NEB: variants seen among roughly 807,000 people sequenced by gnomAD.
NEB encodes nemaline myopathy type 2.
NEB carries 512 observed loss-of-function variants against 952.2 expected under a neutral mutation model. The observed-to-expected ratio is 0.54, with a 90% confidence interval of 0.50 to 0.58. The LOEUF is 0.58. Among genes scored for constraint, NEB ranks in the 20% least tolerant of loss-of-function variants. NEB has a pLI of 0.00. For synonymous variants in NEB, 2,900 were observed against 3,149.8 expected (o/e 0.92, Z 2.66); for missense variants, 8,428 against 9,231.1 (o/e 0.91, Z 3.56).
Position 151,619,728 on chromosome 2 carries a change from C to G in NEB, c.10595G>C (p.Gly3532Ala). Residue 3532 changes from glycine (G) to alanine (A), a missense_variant, in exon 73 of 182, where the codon GGT (glycine) becomes GCT (alanine). Gly to Ala is a moderately conservative substitution (Grantham distance 60). Around this residue, in one of 11 missense-constraint regions of NEB, gnomAD observed 1,772 missense variants for 1,960.3 expected, o/e 0.90. Transcript: ENST00000397345. ...KYKEAYRKQLGHHIGARAVHD... is the reference protein window; with the variant it reads ...KYKEAYRKQLAHHIGARAVHD... ...TACTGCTCGGGCGCCAATGTGGTGA[C>G]CCAACTGTTTACGATATGCTTCTTT... 6.2e-7 allele frequency: 1 copy of G among 1,613,188 alleles called. No homozygotes were observed.
intron 65 of NEB, among the ~76,000 whole-genome samples, chr2:151,632,931 G>C (rs1172262962): frequency 6.6e-6 from 1 of 152,092 alleles, no homozygotes; most frequent in African/African-American, 2.4e-5. Context: ...GCAAAACACA[G>C]GGTTCTGTAT....
rs182325166 is a variant in NEB at position 151,499,372 on chromosome 2, C to T, written c.24040G>A (p.Val8014Ile). 46 of 1,542,804 alleles carry T rather than the reference C, an allele frequency of 3.0e-5. No homozygotes were observed. The East Asian group carries it at 7.4e-4, about 25-fold the overall frequency. Residue 8014 changes from valine (V) to isoleucine (I), a missense_variant, in exon 169 of 182, where the codon GTT becomes ATT. Val to Ile is a conservative substitution (Grantham distance 29, BLOSUM62 3). Transcript: ENST00000397345. ...NFSSVLYKEN[V>I]GKGIPIPITP... ...ATGGGGATTGGAATCCCTTTTCCAA[C>T]GTTTTCTTTATACAACACCTGTATG...
intron 166 of NEB, 28 bp from the exon 167 acceptor site, chr2:151,502,913 G>T: frequency 7.2e-7 from 1 of 1,392,024 alleles, no homozygotes; most frequent in Non-Finnish European, 1.0e-6. Context: ...GTACCCAGAG[G>T]ACATTTAAAA....
chr2:151,494,742 G>A (rs1485245829), intron 173 of NEB, among the ~76,000 whole-genome samples: 4 of 152,088 alleles, frequency 2.6e-5, no homozygotes, highest in South Asian at 2.1e-4. Flanking sequence ...TCCGCCTCCC[G>A]GGTTCAAGTG....
chr2:151,578,396 T>C (rs62174688), intron 105 of NEB, among the ~76,000 whole-genome samples: 14 of 151,296 alleles, frequency 9.3e-5, no homozygotes, highest in East Asian at 3.9e-4. Context: ...TTCTTCTGTT[T>C]AAGAAACTGC....
chr2:151,540,590 G>A (rs1440123162), intron 137 of NEB, 107 bp downstream of exon 137: 2 of 1,148,274 alleles, frequency 1.7e-6, no homozygotes, highest in South Asian at 1.4e-5. Context: ...TGATGATGCT[G>A]AGCACCATTT....
chr2:151,531,300 TTTTC>T (rs1363405082), intron 144 of NEB, among the ~76,000 whole-genome samples, 199 bp from the exon 145 acceptor site: 6 of 147,094 alleles, frequency 4.1e-5, no homozygotes, highest in Non-Finnish European at 8.9e-5. Flanking sequence ...AACTCTCTTT[TTTTC>T]TTTCTTTTTT....
intron 27 of NEB, among the ~76,000 whole-genome samples, 167 bp from the exon 28 acceptor site, chr2:151,685,142 C>A (rs578211653): frequency 4.8e-4 from 73 of 152,144 alleles, no homozygotes; most frequent in Admixed American, 1.0e-3. Context: ...GAAATTCCCC[C>A]AAAAAGCACG....
rs541641039 is a variant in NEB, at chr2:151,664,578, T to C, written c.5374A>G (p.Lys1792Glu). The change falls in exon 44 of 182, where the codon AAG (lysine) becomes GAG (glutamate). Residue 1792 changes from lysine to glutamate, a missense_variant. By Grantham distance (56) the Lys-to-Glu change is moderately conservative. Around this residue, in one of 11 missense-constraint regions of NEB, gnomAD observed 2,851 missense variants for 2,791.5 expected, o/e 1.02. Transcript: ENST00000397345. The stretch of plus-strand genomic sequence containing the variant: ...GGCCTCAGGTCATATCCTTTCTTCT[T>C]TTCCTCTTCCCAGCCAGCTTTGTAC... ...KLYKAGWEEE[K>E]KKGYDLRPDA... 8.1e-6 allele frequency: 13 copies of C among 1,608,386 alleles called. No homozygotes were observed. The East Asian group carries it at 2.7e-4, about 33-fold the overall frequency.
At chr2:151,697,737 A>T in intron 13 of NEB, 89 bp from the exon 14 acceptor site, 1 of 874,656 alleles carries the variant, frequency 1.1e-6, no homozygotes, top group East Asian at 2.5e-5. Flanking sequence ...TAAACAAAAG[A>T]TGAAGAAAAG....
In NEB at chr2:151,618,444, C is replaced by A; in HGVS notation, c.10907G>T (p.Gly3636Val). Residue 3636 changes from glycine (G) to valine (V), a missense_variant, in exon 74 of 182, where the codon GGC becomes GTC. Physicochemically the swap from Gly to Val is moderately radical, Grantham distance 109 (BLOSUM62 -3). Coordinates refer to ENST00000397345, the MANE Select transcript of NEB (RefSeq NM_001164508.2). ...GGAATCAATCGGAACCCAGCCAATGCCTTTCATCCATTCAAGGTCTGACTT... is the reference window on the plus strand; with the variant it reads ...GGAATCAATCGGAACCCAGCCAATGACTTTCATCCATTCAAGGTCTGACTT... ...LYKSDLEWMKGIGWVPIDSLE... is the reference protein window; with the variant it reads ...LYKSDLEWMKVIGWVPIDSLE... The A allele has an allele frequency of 6.2e-7, 1 of 1,613,900 alleles. No individual in the cohort carries two copies. Among genetic ancestry groups the A allele is most frequent in the Non-Finnish European group, 8.5e-7 (1 of 1,179,852 alleles).
At chr2:151,550,156 A>ACTT (rs2095197785) in intron 129 of NEB, among the ~76,000 whole-genome samples, 1 of 150,290 alleles carries the variant, frequency 6.7e-6, no homozygotes, top group Admixed American at 6.7e-5. Context: ...AGTCCCAGCT[A>ACTT]CTTAAGAAGC....
In NEB at chr2:151,627,823, T is replaced by C. The variant is rs762789977; in HGVS notation, c.9843A>G (p.Lys3281=). Residue 3281 remains lysine (K), a synonymous_variant, in exon 69 of 182, where the codon AAA becomes AAG. Coordinates refer to ENST00000397345, the MANE Select transcript of NEB (RefSeq NM_001164508.2). ...GGCCGAGCTGCTTGCGGTAACCATC[T>C]TTGTATTTGTACTGAAATAAAGGTG... The part of the protein sequence containing the change: ...SRDVISDYKY[K]DGYRKQLGHH... 1.1e-5 allele frequency: 17 copies of C among 1,613,592 alleles called. No individual in the cohort carries two copies. Among genetic ancestry groups the C allele is most frequent in the Non-Finnish European group, 8.5e-7 (1 of 1,179,628 alleles).
chr2:151,725,096 C>G, intron 6 of NEB, 135 bp from the exon 7 acceptor site: 2 of 692,772 alleles, frequency 2.9e-6, no homozygotes, highest in Admixed American at 2.7e-5. Context: ...TGCATTTTAG[C>G]TGGAAAAATG....
At chr2:151,632,132 T>G (rs1029911520) in intron 65 of NEB, among the ~76,000 whole-genome samples, 1 of 152,130 alleles carries the variant, frequency 6.6e-6, no homozygotes, top group African/African-American at 2.4e-5. Flanking sequence ...TATAAAATCA[T>G]ATTGCCATAT....
chr2:151,690,395 C>G (rs1007408079), intron 24 of NEB: 1 of 242,964 alleles, frequency 4.1e-6, no homozygotes, highest in Non-Finnish European at 8.2e-6. Context: ...TTTGCCTTGT[C>G]CTACACAAAT....
Position 151,669,066 on chromosome 2 carries a change from C to G in NEB, c.4572G>C (p.Gln1524His), listed in dbSNP as rs766856587. 1 of 1,597,760 alleles carries G rather than the reference C, an allele frequency of 6.3e-7. No individual in the cohort carries two copies. Among genetic ancestry groups the G allele is most frequent in the Admixed American group, 1.7e-5 (1 of 58,010 alleles). ...GGGCGTTGACTTTGGCTTGAATAAA[C>G]TGAGGCAATTCAGGGTCAATAGTAT... ...HKYTIDPELP[Q>H]FIQAKVNALN... The change falls in exon 39 of 182, where the codon CAG becomes CAC. Residue 1524 changes from glutamine (Q) to histidine (H), a missense_variant. Around this residue, in one of 11 missense-constraint regions of NEB, gnomAD observed 2,851 missense variants for 2,791.5 expected, o/e 1.02. Transcript: ENST00000397345.
intron 143 of NEB, among the ~76,000 whole-genome samples, chr2:151,532,666 CTTAACCTCCTCATTTCACAT>C (rs1359750039): frequency 6.6e-6 from 1 of 151,410 alleles, no homozygotes; most frequent in African/African-American, 2.4e-5. Flanking sequence ...TTAATTGGAG[CTTAACCTCCTCATTTCACAT>C]ATTGATTTCA....
chr2:151,509,623 T>G (rs1234076010), intron 161 of NEB, among the ~76,000 whole-genome samples: 1 of 152,080 alleles, frequency 6.6e-6, no homozygotes, highest in African/African-American at 2.4e-5. Flanking sequence ...GTTTTTTTTT[T>G]GTTTGTTTGG....
Sources: allele counts gnomAD v4.1 joint callset (sites outside exome capture counted in the v4.1 genomes callset), GRCh38; gene constraint gnomAD v4.1.1; regional missense constraint gnomAD v4.1.1; transcripts MANE v1.5; gene names NCBI Gene and HGNC (gene_info 2026-07-23, HGNC 2026-07-21).